Variants in HAPLN2 observed in about 807,000 individuals in gnomAD.
HAPLN2 encodes the protein brain link protein-1.
A neutral mutation model predicts 29.3 loss-of-function variants in HAPLN2; 27 were observed. The observed-to-expected ratio is 0.92, with a 90% CI of 0.68 to 1.27. The LOEUF (loss-of-function observed/expected upper bound fraction) is 1.27. Ranked by LOEUF, HAPLN2 falls within the 50% of genes most tolerant of loss-of-function variation. HAPLN2 has a pLI of 0.00. For missense variants in HAPLN2, 454 were observed against 484.3 expected (o/e 0.94, Z 0.59); for synonymous variants, 208 against 211.7 (o/e 0.98, Z 0.15).
At chr1:156,603,256 A>G in the HAPLN2 span, among the ~76,000 whole-genome samples, 1 of 146,634 alleles carries the variant, frequency 6.8e-6, no homozygotes, top group African/African-American at 2.5e-5. Flanking sequence ...TGTGTTTCCC[A>G]GGCTGGCCTT....
chr1:156,615,145 AG>A (rs1224587767), upstream of HAPLN2: 1 of 152,180 alleles, frequency 6.6e-6, no homozygotes, highest in Non-Finnish European at 1.5e-5. Flanking sequence ...CCAGCAGCGA[AG>A]CCTGGGCCTG....
chr1:156,614,328 G>A, the HAPLN2 span, among the ~76,000 whole-genome samples: 5 of 151,750 alleles, frequency 3.3e-5, no homozygotes, highest in Admixed American at 2.6e-4. Context: ...TGGTTCAAGC[G>A]ATTCTCCTGC....
the HAPLN2 span, among the ~76,000 whole-genome samples, chr1:156,602,147 A>G: frequency 0.055 from 8,415 of 152,050 alleles, 341 homozygotes; most frequent in African/African-American, 0.11. Flanking sequence ...GCCATGTTGT[A>G]CAGGCTGGTC....
At chr1:156,608,311 C>T in the HAPLN2 span, among the ~76,000 whole-genome samples, 1 of 152,150 alleles carries the variant, frequency 6.6e-6, no homozygotes. Context: ...GCCCTATTGC[C>T]ATCTGCCCCT....
chr1:156,602,365 GGACCTTGA>G, the HAPLN2 span, among the ~76,000 whole-genome samples: 1 of 151,924 alleles, frequency 6.6e-6, no homozygotes, highest in South Asian at 2.1e-4. Context: ...GGGAAACTTG[GGACCTTGA>G]GTGGGATTAG....
At position 156,625,237 on chromosome 1, in the gene HAPLN2, CGGCT is replaced by C; in HGVS notation, c.886_889del (p.Ala296ThrfsTer117). 6.4e-7 allele frequency: 1 copy of C among 1,572,564 alleles called. No individual in the cohort carries two copies. The highest frequency in any genetic ancestry group is 8.6e-7 in the Non-Finnish European group (1 of 1,160,054). On this transcript the variant is annotated frameshift_variant, in exon 7 of 7. Transcript: ENST00000255039. LOFTEE classifies it low-confidence loss of function (END_TRUNC). The surrounding 1 kb of genome is among the most constrained non-coding windows in gnomAD (Gnocchi z 5.7). ...TTTCGGGGCTAGACCAGTGCGACGG[CGGCT>C]GGCTGGCTGACGGCAGTGTGCGCTT...
In HAPLN2 at chr1:156,624,420, G is replaced by A; in HGVS notation, c.509G>A (p.Cys170Tyr). 3.1e-6 allele frequency: 5 copies of A among 1,611,842 alleles called. No homozygotes were observed. Among genetic ancestry groups the A allele is most frequent in the Non-Finnish European group, 3.4e-6 (4 of 1,179,160 alleles). The change falls in exon 5 of 7, where the codon TGC becomes TAC. Residue 170 changes from cysteine (C) to tyrosine (Y), a missense_variant. Cys to Tyr is a radical substitution (Grantham distance 194). This residue lies in a region of HAPLN2 where 15 missense variants were observed against 38.3 expected (regional missense o/e 0.39). Transcript: ENST00000255039. ...AATTACTACGAGGCGAAGCAGGCGT[G>A]CGAGGAGCAGGACGGACGCCTGGCC... ...QFNYYEAKQA[C>Y]EEQDGRLATY... is the part of the protein sequence containing the mutation.
chr1:156,616,226 A>T (rs1678055873), upstream of HAPLN2, among the ~76,000 whole-genome samples: 1 of 152,174 alleles, frequency 6.6e-6, no homozygotes, highest in South Asian at 2.1e-4. Context: ...GGACTGACAA[A>T]GCCCTTCCTC....
rs1013908950 is a variant in HAPLN2 at position 156,625,252 on chromosome 1, C to T, written c.891C>T (p.Asp297=). The change falls in exon 7 of 7, where the codon GAC becomes GAT. Residue 297 remains aspartate (D), a synonymous_variant. Transcript: ENST00000255039. The surrounding 1 kb of genome is among the most constrained non-coding windows in gnomAD (Gnocchi z 5.7). Reference sequence around the variant, plus strand: ...AGTGCGACGGCGGCTGGCTGGCTGACGGCAGTGTGCGCTTCCCAATCACCA... The same window carrying T: ...AGTGCGACGGCGGCTGGCTGGCTGATGGCAGTGTGCGCTTCCCAATCACCA... ...LDQCDGGWLA[D]GSVRFPITTP... 3.8e-6 allele frequency: 6 copies of T among 1,573,886 alleles called. No homozygotes were observed. Among genetic ancestry groups the T allele is most frequent in the South Asian group, 2.3e-5 (2 of 85,888 alleles).
the HAPLN2 span, among the ~76,000 whole-genome samples, chr1:156,612,078 C>T: frequency 1.9e-4 from 29 of 152,166 alleles, no homozygotes; most frequent in Admixed American, 3.9e-4. Flanking sequence ...AGTGCAGTGG[C>T]GTGATCTCAC....
chr1:156,608,503 CCTTTT>C, the HAPLN2 span, among the ~76,000 whole-genome samples: 13 of 151,646 alleles, frequency 8.6e-5, 1 homozygote, highest in East Asian at 1.9e-4. Context: ...ATAGCAGGGC[CCTTTT>C]CTTTTCTTTT....
chr1:156,614,455 C>T (rs969680888), upstream of HAPLN2, among the ~76,000 whole-genome samples: 1 of 152,164 alleles, frequency 6.6e-6, no homozygotes, highest in Non-Finnish European at 1.5e-5. Flanking sequence ...ATCTCCTGAC[C>T]TCGTGATTCA....
chr1:156,602,950 A>T, the HAPLN2 span, among the ~76,000 whole-genome samples: 1 of 152,070 alleles, frequency 6.6e-6, no homozygotes, highest in South Asian at 2.1e-4. Context: ...GCCATTTCAC[A>T]GGAGAGCCTT....
rs1427987993 is a variant in HAPLN2, at chr1:156,623,808, A to G, written c.87A>G (p.Ala29=). 5 of 1,510,100 alleles carry G rather than the reference A, an allele frequency of 3.3e-6. No homozygotes were observed. In the South Asian group the frequency reaches 4.0e-5, roughly 12 times the overall value. 93.5% of individuals were successfully genotyped at this position (1,510,100 alleles called of 1,614,324 possible). Residue 29 remains alanine, a splice_region_variant and synonymous_variant, in exon 4 of 7, where the codon GCA becomes GCG. Transcript: ENST00000255039. ...GCCACTGTGGCCCCCTCTGCCCAGCATCCCACCCGGGCCCCCACTACCTCC... is the reference window on the plus strand; with the variant it reads ...GCCACTGTGGCCCCCTCTGCCCAGCGTCCCACCCGGGCCCCCACTACCTCC... ...TIFHKAQGDP[A]SHPGPHYLLP...
At position 156,623,594 on chromosome 1, in the gene HAPLN2, C is replaced by G; in HGVS notation, c.85+19C>G. 6.2e-7 allele frequency: 1 copy of G among 1,613,766 alleles called. No individual in the cohort carries two copies. The highest frequency in any genetic ancestry group is 2.2e-5 in the East Asian group (1 of 44,870). ...GACCCAGGTAAGACCCCAGCCCAGGCCAGAATCTGGGGGAGGCTTGGGGAG... is the reference window on the plus strand; with the variant it reads ...GACCCAGGTAAGACCCCAGCCCAGGGCAGAATCTGGGGGAGGCTTGGGGAG... On this transcript the variant is annotated intron_variant, in intron 3 of 6. Coordinates refer to ENST00000255039, the MANE Select transcript of HAPLN2 (RefSeq NM_021817.3).
chr1:156,623,644 AG>A, intron 3 of HAPLN2, 69 bp downstream of exon 3: 1 of 1,595,808 alleles, frequency 6.3e-7, no homozygotes, highest in South Asian at 1.1e-5. Flanking sequence ...GAAAGGGGAA[AG>A]GGCAGTTGTT....
the HAPLN2 span, among the ~76,000 whole-genome samples, chr1:156,605,329 C>T: frequency 4.0e-5 from 6 of 150,578 alleles, no homozygotes; most frequent in South Asian, 2.1e-4. Context: ...TGGTGGCTCA[C>T]GCCTGTAATC....
At chr1:156,601,521 C>T in the HAPLN2 span, 1 of 1,492,146 alleles carries the variant, frequency 6.7e-7, no homozygotes, top group South Asian at 1.2e-5. Flanking sequence ...ATAGAGACGT[C>T]CGCGGGAACC....
At chr1:156,601,617 C>G in the HAPLN2 span, 1 of 677,060 alleles carries the variant, frequency 1.5e-6, no homozygotes, top group Non-Finnish European at 2.5e-6. Flanking sequence ...GGAGCGTGCC[C>G]ATTTTCGGAG....
Sources: gnomAD v4.1 joint callset for allele counts (sites outside exome capture counted in the v4.1 genomes callset) on GRCh38, gnomAD v4.1.1 for gene constraint, gnomAD v4.1.1 regional missense constraint, Gnocchi (gnomAD v3.1) non-coding constraint, MANE v1.5 for transcripts, NCBI Gene and HGNC (gene_info 2026-07-23, HGNC 2026-07-21) for gene names.